Variants in ADCY2 observed in about 807,000 individuals in gnomAD.
ADCY2 encodes adenylate cyclase type 2.
In ADCY2, 31 loss-of-function variants were observed where a neutral mutation model predicts 125.2. The observed-to-expected ratio is 0.25, with a 90% confidence interval of 0.19 to 0.33. ADCY2 has a LOEUF of 0.33. ADCY2 is among the 10% of genes least tolerant of loss of function. ADCY2 has a pLI of 1.00. For synonymous variants in ADCY2, 512 were observed against 548.4 expected, an observed-to-expected ratio of 0.93 and a Z score of 0.93; for missense variants, 904 against 1,418.2, an observed-to-expected ratio of 0.64 and a Z score of 5.82.
intron 2 of ADCY2, among the ~76,000 whole-genome samples, chr5:7,441,913 C>A (rs1486442146): frequency 6.6e-6 from 1 of 152,154 alleles, no homozygotes; most frequent in African/African-American, 2.4e-5. Flanking sequence ...CTCAGTGTGT[C>A]CGGTCCACCA....
chr5:7,469,643 G>A (rs1742262359), intron 2 of ADCY2, among the ~76,000 whole-genome samples: 1 of 151,534 alleles, frequency 6.6e-6, no homozygotes, highest in East Asian at 1.9e-4. Context: ...CTATTCTGAT[G>A]TTTGACATTT....
At position 7,807,591 on chromosome 5, in the gene ADCY2, T is replaced by C. The variant is rs181636444; in HGVS notation, c.2883+2899T>C. On this transcript the variant is annotated intron_variant, in intron 22 of 24. Coordinates refer to ENST00000338316, the MANE Select transcript of ADCY2 (RefSeq NM_020546.3). ...ATTGTAATATTCTTTCCCCAACCCC[T>C]CTTCTCTATCAGGGACCTCTCCTAA... Among the ~76,000 whole-genome samples the C allele has an allele frequency of 1.1e-4, 17 of 152,246 alleles. No homozygotes were observed. The East Asian group carries it at 3.1e-3, about 28-fold the overall frequency.
At chr5:7,820,729 G>A in intron 24 of ADCY2, 40 bp downstream of exon 24, 1 of 1,589,954 alleles carries the variant, frequency 6.3e-7, no homozygotes, top group Non-Finnish European at 8.6e-7. Context: ...CATCAACCAT[G>A]TCTGTTCTCT....
At chr5:7,400,232 A>G (rs1739213374) in intron 1 of ADCY2, among the ~76,000 whole-genome samples, 1 of 152,226 alleles carries the variant, frequency 6.6e-6, no homozygotes, top group South Asian at 2.1e-4. Flanking sequence ...AGTCAGAGAA[A>G]TAAAGTAGAT....
Position 7,578,137 on chromosome 5 carries a change from C to CA in ADCY2, c.571-48026dup, listed in dbSNP as rs1390843907. 2.0e-5 allele frequency among the ~76,000 whole-genome samples: 3 copies of CA among 152,240 alleles called. No individual in the cohort carries two copies. The East Asian group carries it at 5.8e-4, about 29-fold the overall frequency. On this transcript the variant is annotated intron_variant, in intron 3 of 24. Transcript: ENST00000338316. ...TTGCTGTGTATCTTGTGCAAACTTG[C>CA]AAAATTTATATGAACATAATATTCA...
chr5:7,621,191 A>G (rs1238622957), intron 3 of ADCY2, among the ~76,000 whole-genome samples: 2 of 152,192 alleles, frequency 1.3e-5, no homozygotes, highest in Non-Finnish European at 2.9e-5. Context: ...GAGGGGTCAC[A>G]CTTGTGCCTC....
intron 2 of ADCY2, among the ~76,000 whole-genome samples, chr5:7,475,773 G>A (rs187139793): frequency 3.3e-5 from 5 of 152,322 alleles, no homozygotes; most frequent in Admixed American, 3.3e-4. Context: ...CTTTGGAGGA[G>A]GGCAGAAGCC....
intron 3 of ADCY2, among the ~76,000 whole-genome samples, chr5:7,598,575 A>G (rs1458714992): frequency 6.6e-6 from 1 of 152,258 alleles, no homozygotes; most frequent in East Asian, 1.9e-4. Context: ...CATTATACAT[A>G]GGGTAGTTGG....
chr5:7,679,976 G>C (rs1421322470), intron 4 of ADCY2, among the ~76,000 whole-genome samples: 1 of 152,162 alleles, frequency 6.6e-6, no homozygotes, highest in Admixed American at 6.5e-5. Flanking sequence ...ATGTCCTGGA[G>C]AGGTGCCATT....
chr5:7,716,179 A>G (rs1741585737), intron 11 of ADCY2, among the ~76,000 whole-genome samples: 1 of 152,202 alleles, frequency 6.6e-6, no homozygotes. Flanking sequence ...TCTGAAACTA[A>G]GTGAGATGGT....
At chr5:7,723,727 C>A (rs1579358162) in intron 12 of ADCY2, among the ~76,000 whole-genome samples, 2 of 151,970 alleles carry the variant, frequency 1.3e-5, no homozygotes, top group South Asian at 4.2e-4. Context: ...TCACGACCAG[C>A]CTGGCCAACG....
chr5:7,509,734 A>T (rs1268316793), intron 2 of ADCY2, among the ~76,000 whole-genome samples: 1 of 152,240 alleles, frequency 6.6e-6, no homozygotes, highest in Non-Finnish European at 1.5e-5. Context: ...ATATTTTCAC[A>T]TTCTATAGAG....
intron 14 of ADCY2, among the ~76,000 whole-genome samples, chr5:7,729,391 T>A (rs963034518): frequency 2.6e-5 from 4 of 152,128 alleles, no homozygotes; most frequent in Non-Finnish European, 5.9e-5. Context: ...AAACAATACC[T>A]GTTTTTATTT....
chr5:7,404,062 T>G (rs965417108), intron 1 of ADCY2, among the ~76,000 whole-genome samples: 4 of 152,152 alleles, frequency 2.6e-5, no homozygotes, highest in African/African-American at 9.7e-5. Context: ...AGTAAGATTG[T>G]CTAGTATTTC....
chr5:7,482,266 T>C (rs991592846), intron 2 of ADCY2, among the ~76,000 whole-genome samples: 2 of 152,182 alleles, frequency 1.3e-5, no homozygotes, highest in Middle Eastern at 3.2e-3. Flanking sequence ...CCAATTCTTA[T>C]GGGATTATTA....
At chr5:7,401,777 A>G (rs1739272395) in intron 1 of ADCY2, among the ~76,000 whole-genome samples, 1 of 152,212 alleles carries the variant, frequency 6.6e-6, no homozygotes, top group African/African-American at 2.4e-5. Context: ...ATATTCTACT[A>G]AAAATGGAAC....
At chr5:7,522,081 A>G (rs1744465072) in intron 3 of ADCY2, among the ~76,000 whole-genome samples, 1 of 152,196 alleles carries the variant, frequency 6.6e-6, no homozygotes, top group Non-Finnish European at 1.5e-5. Context: ...TGAGACAGAC[A>G]GAGGCCAGCC....
rs77706824 is a variant in ADCY2 at position 7,508,947 on chromosome 5, G to A, written c.409-11791G>A. On this transcript the variant is annotated intron_variant, in intron 2 of 24. Coordinates refer to ENST00000338316, the MANE Select transcript of ADCY2 (RefSeq NM_020546.3). Reference sequence around the variant, plus strand: ...AAGGAACAGAGTTTGCTTTAACTACGAAGATGGAGATGATAGCCCACATTC... The same window carrying A: ...AAGGAACAGAGTTTGCTTTAACTACAAAGATGGAGATGATAGCCCACATTC... 0.012 allele frequency among the ~76,000 whole-genome samples: 1,791 copies of A among 152,308 alleles called. 110 individuals carry two copies. The East Asian group carries it at 0.18, about 16-fold the overall frequency.
intron 4 of ADCY2, among the ~76,000 whole-genome samples, chr5:7,667,469 A>G (rs1269567709): frequency 6.6e-6 from 1 of 152,222 alleles, no homozygotes; most frequent in African/African-American, 2.4e-5. Context: ...ACTGTTTCTC[A>G]GTATTTAAGA....
Sources: allele counts gnomAD v4.1 joint callset (sites outside exome capture counted in the v4.1 genomes callset), GRCh38; gene constraint gnomAD v4.1.1; transcripts MANE v1.5; gene names NCBI Gene and HGNC (gene_info 2026-07-23, HGNC 2026-07-21).